The following TAFA4 variants were observed in gnomAD, a reference collection of about 807,000 sequenced individuals.
The protein encoded by TAFA4 is TAFA chemokine like family member 4, also known as chemokine-like protein TAFA-4.
In TAFA4, 20 loss-of-function variants were observed where a neutral mutation model predicts 21.1. The ratio of observed to expected loss-of-function variants is 0.95; its 90% CI spans 0.67 to 1.38. TAFA4 has a LOEUF of 1.38. Ranked by LOEUF, TAFA4 falls within the 40% of genes most tolerant of loss-of-function variation. TAFA4 has a pLI of 0.00. For missense variants in TAFA4, 211 were observed against 180.9 expected (o/e 1.17, Z -0.95); for synonymous variants, 71 against 67.4 (o/e 1.05, Z -0.26).
intron 3 of TAFA4, among the ~76,000 whole-genome samples, chr3:68,769,027 G>A (rs1169839414): frequency 6.6e-6 from 1 of 152,146 alleles, no homozygotes; most frequent in Non-Finnish European, 1.5e-5. Context: ...CATTGCAGGG[G>A]TCCCCAACCT....
intron 3 of TAFA4, among the ~76,000 whole-genome samples, chr3:68,805,566 C>A (rs1407678136): frequency 1.3e-5 from 2 of 152,168 alleles, no homozygotes; most frequent in Non-Finnish European, 2.9e-5. Context: ...AAATGTCCAA[C>A]AACGATAGAC....
chr3:68,846,737 T>C (rs1704810327), intron 3 of TAFA4, among the ~76,000 whole-genome samples: 1 of 152,196 alleles, frequency 6.6e-6, no homozygotes, highest in Non-Finnish European at 1.5e-5. Flanking sequence ...GTTGATGCTA[T>C]TGCTTTGTTT....
intron 3 of TAFA4, among the ~76,000 whole-genome samples, chr3:68,847,662 A>C (rs777220335): frequency 9.9e-5 from 15 of 152,234 alleles, no homozygotes; most frequent in Non-Finnish European, 1.9e-4. Flanking sequence ...CCTGGTCTGC[A>C]GGTTGAGAAG....
intron 4 of TAFA4, among the ~76,000 whole-genome samples, chr3:68,745,061 G>A (rs1702431307): frequency 1.3e-5 from 2 of 152,164 alleles, no homozygotes; most frequent in African/African-American, 4.8e-5. Flanking sequence ...AGAAATGACA[G>A]ACGTAGAAGG....
chr3:68,760,718 G>A (rs1316270072), intron 3 of TAFA4, among the ~76,000 whole-genome samples: 1 of 152,202 alleles, frequency 6.6e-6, no homozygotes, highest in African/African-American at 2.4e-5. Flanking sequence ...ACAGATAGTG[G>A]CTTCCCTTGG....
chr3:68,737,388 G>C (rs573658750), intron 5 of TAFA4, among the ~76,000 whole-genome samples: 1 of 152,158 alleles, frequency 6.6e-6, no homozygotes, highest in Non-Finnish European at 1.5e-5. Flanking sequence ...TGACCTCCTT[G>C]CACCACCAGT....
At chr3:68,808,771 A>G (rs1703762832) in intron 3 of TAFA4, among the ~76,000 whole-genome samples, 1 of 152,230 alleles carries the variant, frequency 6.6e-6, no homozygotes, top group Non-Finnish European at 1.5e-5. Context: ...GCAATAACAA[A>G]AAAGCCCAAA....
intron 4 of TAFA4, 52 bp downstream of exon 4, chr3:68,752,811 G>C: frequency 6.2e-7 from 1 of 1,611,102 alleles, no homozygotes. Context: ...GAAATTCCTG[G>C]TGGGTTTTGG....
At chr3:68,833,002 C>T (rs1052885550) in intron 3 of TAFA4, among the ~76,000 whole-genome samples, 1 of 152,246 alleles carries the variant, frequency 6.6e-6, no homozygotes, top group Admixed American at 6.5e-5. Flanking sequence ...GGGCATGGGA[C>T]GTGCCAAGCC....
intron 3 of TAFA4, among the ~76,000 whole-genome samples, chr3:68,874,419 C>A (rs1459966782): frequency 6.6e-6 from 1 of 152,074 alleles, no homozygotes; most frequent in Non-Finnish European, 1.5e-5. Flanking sequence ...GTCTCTACCC[C>A]TGCTGTTTCT....
chr3:68,745,209 A>C (rs1254320465), intron 4 of TAFA4, among the ~76,000 whole-genome samples: 1 of 152,222 alleles, frequency 6.6e-6, no homozygotes, highest in Non-Finnish European at 1.5e-5. Context: ...CAGGAAATTT[A>C]AGCTTCGAGT....
chr3:68,884,678 C>A (rs1280984526), intron 2 of TAFA4, among the ~76,000 whole-genome samples: 1 of 152,248 alleles, frequency 6.6e-6, no homozygotes, highest in Non-Finnish European at 1.5e-5. Context: ...AGAATGGTTT[C>A]TGTTTTCCTG....
rs143452020 is a variant in TAFA4, at chr3:68,855,848, T to C, written c.130+24882A>G. ...ACCACCGAATGCCGTCAGCTTTCAC[T>C]GGGCGTGACTTCCACAAAGGTACCA... is the stretch of plus-strand genomic sequence containing the variant. On this transcript the variant is annotated intron_variant, in intron 3 of 5. Coordinates refer to ENST00000295569, the MANE Select transcript of TAFA4 (RefSeq NM_182522.5). Among the ~76,000 whole-genome samples, 385 of 152,158 alleles carry C rather than the reference T, an allele frequency of 2.5e-3. 2 individuals are homozygous for C. The highest frequency in any genetic ancestry group is 9.0e-3 in the African/African-American group (375 of 41,542).
chr3:68,848,009 A>C (rs1352152763), intron 3 of TAFA4, among the ~76,000 whole-genome samples: 1 of 152,222 alleles, frequency 6.6e-6, no homozygotes, highest in Non-Finnish European at 1.5e-5. Context: ...AACAGCTATC[A>C]CTTTTGTAGC....
intron 1 of TAFA4, among the ~76,000 whole-genome samples, chr3:68,921,647 T>C (rs2090061950): frequency 6.6e-6 from 1 of 152,218 alleles, no homozygotes. Flanking sequence ...CCAGAACGAA[T>C]GAAATCTTAA....
intron 3 of TAFA4, among the ~76,000 whole-genome samples, chr3:68,804,338 C>T (rs1364740085): frequency 6.6e-6 from 1 of 152,004 alleles, no homozygotes; most frequent in East Asian, 1.9e-4. Context: ...TGCTCATGGG[C>T]AGGAAAAATC....
intron 5 of TAFA4, among the ~76,000 whole-genome samples, chr3:68,737,793 G>C (rs906744878): frequency 6.6e-6 from 1 of 152,122 alleles, no homozygotes; most frequent in African/African-American, 2.4e-5. Flanking sequence ...TCATAAAGGG[G>C]ACGACATAAG....
chr3:68,791,514 G>A (rs576966766), intron 3 of TAFA4, among the ~76,000 whole-genome samples: 69 of 152,246 alleles, frequency 4.5e-4, no homozygotes, highest in South Asian at 1.0e-3. Context: ...GAGAATAAAC[G>A]TTTATTGTCT....
At chr3:68,821,116 T>G (rs1453167981) in intron 3 of TAFA4, among the ~76,000 whole-genome samples, 1 of 152,192 alleles carries the variant, frequency 6.6e-6, no homozygotes, top group East Asian at 1.9e-4. Context: ...CTTTTACAAA[T>G]TCTATAATAA....
Sources: gnomAD v4.1 joint callset for allele counts (sites outside exome capture counted in the v4.1 genomes callset) on GRCh38, gnomAD v4.1.1 for gene constraint, MANE v1.5 for transcripts, NCBI Gene and HGNC (gene_info 2026-07-23, HGNC 2026-07-21) for gene names.